Variants in AHCYL2 observed in about 807,000 individuals in gnomAD.
AHCYL2 encodes the protein S-adenosylhomocysteine hydrolase-like protein 2.
Under a neutral mutation model 81.4 loss-of-function variants are expected in AHCYL2, and 28 were observed. The observed-to-expected ratio is 0.34, with a 90% CI of 0.25 to 0.47. AHCYL2 has a LOEUF of 0.47. AHCYL2 is among the 20% of genes least tolerant of loss of function. The probability of loss-of-function intolerance (pLI) is 1.00; values close to 1 mark genes in which losing one functional copy is unlikely to be tolerated. For missense variants in AHCYL2, 551 were observed against 785.1 expected, an observed-to-expected ratio of 0.70 and a Z score of 3.56; for synonymous variants, 272 against 290.2, an observed-to-expected ratio of 0.94 and a Z score of 0.64.
Position 129,406,567 on chromosome 7 carries a change from G to C in AHCYL2, c.1295+101G>C. The C allele has an allele frequency of 2.7e-6, 3 of 1,099,746 alleles. No individual in the cohort carries two copies. The highest frequency in any genetic ancestry group is 4.2e-6 in the Non-Finnish European group (3 of 719,336). The allele number at this position is 1,099,746 out of a possible 1,614,324, so 68.1% of individuals were successfully genotyped here. ...TATTTTAGAGGAGCCCAGATCCTCA[G>C]AGATGCTGCCACTAACTCTAAGCAT... is the stretch of plus-strand genomic sequence containing the variant. On this transcript the variant is annotated intron_variant, in intron 10 of 16. Coordinates refer to ENST00000325006, the MANE Select transcript of AHCYL2 (RefSeq NM_015328.4). The surrounding 1 kb of genome is among the most constrained non-coding windows in gnomAD (Gnocchi z 4.3).
chr7:129,374,370 G>A (rs1313667878), intron 1 of AHCYL2, among the ~76,000 whole-genome samples: 1 of 152,086 alleles, frequency 6.6e-6, no homozygotes, highest in African/African-American at 2.4e-5. Context: ...TAATTCTTAA[G>A]ATTCTTGTAC....
chr7:129,351,828 CATA>C (rs1017929439), intron 1 of AHCYL2, among the ~76,000 whole-genome samples: 3 of 152,260 alleles, frequency 2.0e-5, no homozygotes, highest in Admixed American at 1.3e-4. Flanking sequence ...GAGCTGTTTT[CATA>C]ATAATACTAA....
chr7:129,423,005 T>G lies in AHCYL2; in HGVS notation c.1560+67T>G. ...AGACTGCAATACCCAGGTCCCCTCC[T>G]CCTCATGTTCTCGAATACTTTCAAC... On this transcript the variant is annotated intron_variant, in intron 13 of 16. Transcript: ENST00000325006. 4.5e-6 allele frequency: 6 copies of G among 1,343,848 alleles called. No individual in the cohort carries two copies. The Admixed American group carries it at 1.1e-4, about 26-fold the overall frequency. The allele number at this position is 1,343,848 out of a possible 1,614,324, so 83.2% of individuals were successfully genotyped here. A position where few individuals can be genotyped will look rare whatever the true frequency, so the allele number is the denominator to read the frequency against.
intron 1 of AHCYL2, among the ~76,000 whole-genome samples, chr7:129,317,569 T>G (rs1159398505): frequency 6.6e-6 from 1 of 152,172 alleles, no homozygotes; most frequent in Non-Finnish European, 1.5e-5. Flanking sequence ...AGGCAAAAGT[T>G]GCTTGTTAGC....
chr7:129,277,182 G>A (rs1025710117), intron 1 of AHCYL2, among the ~76,000 whole-genome samples: 5 of 151,824 alleles, frequency 3.3e-5, no homozygotes, highest in Non-Finnish European at 7.4e-5. Flanking sequence ...GATATTTAAA[G>A]GTTACAACTT....
chr7:129,410,196 G>T, intron 11 of AHCYL2: 1 of 1,612,270 alleles, frequency 6.2e-7, no homozygotes, highest in African/African-American at 1.3e-5. Flanking sequence ...TTGATCATTT[G>T]TTCCCGGCTC....
chr7:129,373,036 C>T (rs531664675), intron 1 of AHCYL2, among the ~76,000 whole-genome samples: 1 of 152,230 alleles, frequency 6.6e-6, no homozygotes, highest in South Asian at 2.1e-4. Context: ...CTGGTAGCAT[C>T]AGCGTCTCCC....
chr7:129,291,216 C>G (rs1452401459), intron 1 of AHCYL2, among the ~76,000 whole-genome samples: 1 of 152,072 alleles, frequency 6.6e-6, no homozygotes, highest in Admixed American at 6.6e-5. Context: ...ATTTATTCTA[C>G]AAACCCCCCC....
At chr7:129,248,705 A>G (rs890015361) in intron 1 of AHCYL2, among the ~76,000 whole-genome samples, 9 of 150,798 alleles carry the variant, frequency 6.0e-5, no homozygotes, top group Non-Finnish European at 1.3e-4. Flanking sequence ...GTCAATGTTT[A>G]CAGAAAAAGC....
intron 1 of AHCYL2, among the ~76,000 whole-genome samples, chr7:129,241,057 T>G (rs904573715): frequency 3.3e-5 from 5 of 152,040 alleles, no homozygotes; most frequent in African/African-American, 1.2e-4. Context: ...GAGAGAACAC[T>G]GAAACTACAT....
chr7:129,228,299 C>G (rs1794297721), intron 1 of AHCYL2, among the ~76,000 whole-genome samples: 1 of 152,136 alleles, frequency 6.6e-6, no homozygotes, highest in Admixed American at 6.5e-5. Flanking sequence ...TTTTGTTACT[C>G]TGCTCAGCCA....
intron 12 of AHCYL2, among the ~76,000 whole-genome samples, chr7:129,418,207 C>T (rs1796948056): frequency 6.6e-6 from 1 of 152,094 alleles, no homozygotes; most frequent in African/African-American, 2.4e-5. Context: ...ATGTTAAGGA[C>T]TTTAGATTTT....
At chr7:129,237,750 CAG>C (rs1449715551) in intron 1 of AHCYL2, among the ~76,000 whole-genome samples, 1 of 152,060 alleles carries the variant, frequency 6.6e-6, no homozygotes, top group Non-Finnish European at 1.5e-5. Flanking sequence ...TATTCTGAGA[CAG>C]AGTCTTGCTG....
At chr7:129,303,914 GTC>G (rs1797336847) in intron 1 of AHCYL2, among the ~76,000 whole-genome samples, 1 of 151,948 alleles carries the variant, frequency 6.6e-6, no homozygotes, top group South Asian at 2.1e-4. Flanking sequence ...GTGAAACCCT[GTC>G]TCTACTAAAA....
rs142162419 is a variant in AHCYL2, at chr7:129,297,294, A to T, written c.363+71855A>T. ...GCCTGTGAGTCCTTTGCACTCTAGT[A>T]TGCTTTGCTTTGAAGTAAACTTCAT... On this transcript the variant is annotated intron_variant, in intron 1 of 16. Coordinates refer to ENST00000325006, the MANE Select transcript of AHCYL2 (RefSeq NM_015328.4). Among the ~76,000 whole-genome samples, 455 of 152,294 alleles carry T rather than the reference A, an allele frequency of 3.0e-3. 3 individuals are homozygous for T. The highest frequency in any genetic ancestry group is 0.01 in the African/African-American group (433 of 41,584).
At chr7:129,393,170 A>G (rs2150912079) in intron 4 of AHCYL2, among the ~76,000 whole-genome samples, 1 of 152,370 alleles carries the variant, frequency 6.6e-6, no homozygotes, top group East Asian at 1.9e-4. Flanking sequence ...TAATCCCAGC[A>G]CTTTGGGACG....
At chr7:129,374,908 C>A (rs1052843878) in intron 1 of AHCYL2, among the ~76,000 whole-genome samples, 1 of 151,540 alleles carries the variant, frequency 6.6e-6, no homozygotes, top group Non-Finnish European at 1.5e-5. Context: ...ATCACTTTCC[C>A]CCCAATCTCT....
intron 1 of AHCYL2, among the ~76,000 whole-genome samples, chr7:129,340,522 C>G (rs570687819): frequency 3.3e-4 from 49 of 149,830 alleles, no homozygotes; most frequent in Non-Finnish European, 6.2e-4. Flanking sequence ...GAGCCGAGAT[C>G]GCGCCACTGC....
chr7:129,396,315 T>C (rs1014244401), intron 4 of AHCYL2, among the ~76,000 whole-genome samples: 3 of 151,274 alleles, frequency 2.0e-5, no homozygotes, highest in East Asian at 3.9e-4. Context: ...TTAGTAGAGA[T>C]GGGGTTTCAC....
Sources: allele counts gnomAD v4.1 joint callset (sites outside exome capture counted in the v4.1 genomes callset), GRCh38; gene constraint gnomAD v4.1.1; non-coding constraint Gnocchi (gnomAD v3.1); transcripts MANE v1.5; gene names NCBI Gene and HGNC (gene_info 2026-07-23, HGNC 2026-07-21).